Variants in ROBO2 observed in about 807,000 individuals in gnomAD.
ROBO2 encodes roundabout homolog 2.
ROBO2 carries 53 observed loss-of-function variants against 160.8 expected under a neutral mutation model. That is an observed-to-expected ratio of 0.33 (90% CI 0.26 to 0.41). The LOEUF is 0.41. ROBO2 is among the 10% of genes least tolerant of loss of function. The probability of loss-of-function intolerance (pLI) is 1.00; values close to 1 mark genes in which losing one functional copy is unlikely to be tolerated. For synonymous variants in ROBO2, 664 were observed against 611.7 expected, an observed-to-expected ratio of 1.09 and a Z score of -1.26; for missense variants, 1,577 against 1,722.4, an observed-to-expected ratio of 0.92 and a Z score of 1.49.
intron 2 of ROBO2, among the ~76,000 whole-genome samples, chr3:76,292,886 C>G (rs1183150687): frequency 2.0e-5 from 3 of 151,262 alleles, no homozygotes; most frequent in African/African-American, 7.3e-5. Context: ...ACTGACCTAC[C>G]TTGTTACAAG....
chr3:76,452,060 G>A (rs1314627915), intron 2 of ROBO2, among the ~76,000 whole-genome samples: 6 of 152,158 alleles, frequency 3.9e-5, no homozygotes, highest in Non-Finnish European at 7.4e-5. Flanking sequence ...ACTTGCAAAC[G>A]TTTGTCTTTC....
intron 2 of ROBO2, among the ~76,000 whole-genome samples, chr3:76,356,696 G>A (rs2075191342): frequency 6.6e-6 from 1 of 151,726 alleles, no homozygotes; most frequent in African/African-American, 2.4e-5. Flanking sequence ...CGTCATAATT[G>A]GAGAGTTTCA....
At chr3:77,478,079 C>G (rs1186609296) in intron 3 of ROBO2, among the ~76,000 whole-genome samples, 3 of 151,974 alleles carry the variant, frequency 2.0e-5, no homozygotes, top group Non-Finnish European at 4.4e-5. Flanking sequence ...CCCACCTCAG[C>G]CCCCCAAAGT....
At chr3:76,460,989 G>T (rs2106780279) in intron 2 of ROBO2, among the ~76,000 whole-genome samples, 1 of 152,256 alleles carries the variant, frequency 6.6e-6, no homozygotes, top group Middle Eastern at 3.4e-3. Flanking sequence ...CTTAATATAA[G>T]TCAGAATACC....
chr3:76,054,613 A>G (rs2067772852), intron 2 of ROBO2, among the ~76,000 whole-genome samples: 1 of 152,208 alleles, frequency 6.6e-6, no homozygotes. Context: ...ATGGACATAA[A>G]CATAGAGATA....
At chr3:76,161,248 T>C (rs997216647) in intron 2 of ROBO2, among the ~76,000 whole-genome samples, 4 of 152,076 alleles carry the variant, frequency 2.6e-5, no homozygotes, top group Admixed American at 2.6e-4. Flanking sequence ...TTGAATACAT[T>C]AAAGTTTCTA....
intron 2 of ROBO2, among the ~76,000 whole-genome samples, chr3:77,222,056 T>C (rs2085889965): frequency 6.6e-6 from 1 of 151,938 alleles, no homozygotes; most frequent in South Asian, 2.1e-4. Context: ...TTTCACCATG[T>C]TGGCCAGGAG....
rs113230601 is a variant in ROBO2, at chr3:76,913,756, A to C, written c.110-184258A>C. 7.7e-3 allele frequency among the ~76,000 whole-genome samples: 1,167 copies of C among 152,314 alleles called. 15 individuals carry two copies. Among genetic ancestry groups the C allele is most frequent in the African/African-American group, 0.027 (1,116 of 41,560 alleles). On this transcript the variant is annotated intron_variant, in intron 2 of 26. Coordinates refer to the ROBO2 transcript ENST00000487694. ...GCGAATAATACTCCTTTAGATGAGTAACTGTGAATAATACTCCTTTAGATG... is the reference window on the plus strand; with the variant it reads ...GCGAATAATACTCCTTTAGATGAGTCACTGTGAATAATACTCCTTTAGATG...
At chr3:76,226,595 T>G (rs1418122847) in intron 2 of ROBO2, among the ~76,000 whole-genome samples, 1 of 152,222 alleles carries the variant, frequency 6.6e-6, no homozygotes, top group Non-Finnish European at 1.5e-5. Context: ...ATGTATTTTT[T>G]TATTGTCTCA....
intron 2 of ROBO2, among the ~76,000 whole-genome samples, chr3:76,354,441 C>T (rs778070211): frequency 6.6e-6 from 1 of 151,792 alleles, no homozygotes; most frequent in African/African-American, 2.4e-5. Flanking sequence ...TTGATTAGGA[C>T]TTCATTATGT....
chr3:76,327,483 G>T (rs889236213), intron 2 of ROBO2, among the ~76,000 whole-genome samples: 1 of 152,076 alleles, frequency 6.6e-6, no homozygotes, highest in Non-Finnish European at 1.5e-5. Flanking sequence ...ATTTTGGCCA[G>T]CAGTGTCACA....
intron 2 of ROBO2, among the ~76,000 whole-genome samples, chr3:76,671,501 G>A (rs745910222): frequency 3.3e-5 from 5 of 151,954 alleles, no homozygotes; most frequent in Non-Finnish European, 7.4e-5. Context: ...ATACTTCTCA[G>A]GAAATATAAT....
chr3:76,096,660 T>C (rs984359022), intron 2 of ROBO2, among the ~76,000 whole-genome samples: 2 of 152,224 alleles, frequency 1.3e-5, no homozygotes, highest in African/African-American at 2.4e-5. Context: ...ATTGACAATA[T>C]GCTAGGCATC....
chr3:76,936,355 T>G (rs1223923759), intron 2 of ROBO2, among the ~76,000 whole-genome samples: 1 of 152,210 alleles, frequency 6.6e-6, no homozygotes, highest in African/African-American at 2.4e-5. Flanking sequence ...ATTTATTGTA[T>G]ATAAAATATC....
chr3:76,867,611 A>G (rs1286582385), intron 2 of ROBO2, among the ~76,000 whole-genome samples: 1 of 152,346 alleles, frequency 6.6e-6, no homozygotes, highest in Non-Finnish European at 1.5e-5. Context: ...TTAATAGAAA[A>G]TGTTGGCATC....
intron 2 of ROBO2, among the ~76,000 whole-genome samples, chr3:76,803,123 T>G (rs1223696143): frequency 1.3e-5 from 2 of 152,116 alleles, no homozygotes; most frequent in Non-Finnish European, 2.9e-5. Context: ...ACCAACTCAA[T>G]AGTAAATATT....
At chr3:76,928,253 C>G (rs569522435) in intron 2 of ROBO2, among the ~76,000 whole-genome samples, 1 of 152,044 alleles carries the variant, frequency 6.6e-6, no homozygotes, top group African/African-American at 2.4e-5. Context: ...CTCTAGAAGT[C>G]AGAACCAGCA....
chr3:76,290,025 A>G (rs1708726861), intron 2 of ROBO2, among the ~76,000 whole-genome samples: 2 of 152,184 alleles, frequency 1.3e-5, no homozygotes, highest in South Asian at 4.1e-4. Context: ...CCCTAATTCT[A>G]TAAAAACTGT....
chr3:77,274,121 T>C (rs183582101), intron 2 of ROBO2, among the ~76,000 whole-genome samples: 32 of 152,276 alleles, frequency 2.1e-4, no homozygotes, highest in Admixed American at 1.4e-3. Context: ...ATAGAGTCAA[T>C]TGAAGTATAA....
Sources: gnomAD v4.1 joint callset for allele counts (sites outside exome capture counted in the v4.1 genomes callset) on GRCh38, gnomAD v4.1.1 for gene constraint, MANE v1.5 for transcripts, NCBI Gene and HGNC (gene_info 2026-07-23, HGNC 2026-07-21) for gene names.